Variants in IMPA1 observed in about 807,000 individuals in gnomAD.
IMPA1 encodes the protein D-galactose 1-phosphate phosphatase.
Under a neutral mutation model 34.9 loss-of-function variants are expected in IMPA1, and 21 were observed. The ratio of observed to expected loss-of-function variants is 0.60; its 90% confidence interval spans 0.43 to 0.87. The LOEUF is 0.87. Among genes scored for constraint, IMPA1 ranks in the 40% least tolerant of loss-of-function variants. The probability of loss-of-function intolerance (pLI) is 0.00; values close to 1 mark genes in which losing one functional copy is unlikely to be tolerated. For synonymous variants in IMPA1, 95 were observed against 104.4 expected (o/e 0.91, Z 0.55); for missense variants, 299 against 336.4 (o/e 0.89, Z 0.87).
chr8:81,686,101 A>C (rs991730507), intron 1 of IMPA1, 151 bp downstream of exon 1: 2 of 867,496 alleles, frequency 2.3e-6, no homozygotes, highest in African/African-American at 3.6e-5. Flanking sequence ...CGGATAACGC[A>C]GCAGGCAGGG....
chr8:81,681,290 A>C (rs1030498274), intron 2 of IMPA1, among the ~76,000 whole-genome samples: 3 of 152,138 alleles, frequency 2.0e-5, no homozygotes, highest in African/African-American at 7.2e-5. Flanking sequence ...GCTACTCAGG[A>C]GGCTGAAGTG....
At chr8:81,679,927 G>A (rs902138149) in intron 3 of IMPA1, among the ~76,000 whole-genome samples, 1 of 151,810 alleles carries the variant, frequency 6.6e-6, no homozygotes, top group Non-Finnish European at 1.5e-5. Flanking sequence ...ATGAGGTCAG[G>A]AGTTCAACAC....
rs983649684 is a variant in IMPA1, at chr8:81,658,504, T to C, written c.*847A>G. 1 of 152,582 alleles carries C rather than the reference T, an allele frequency of 6.6e-6. No individual in the cohort carries two copies. The highest frequency in any genetic ancestry group is 1.5e-5 in the Non-Finnish European group (1 of 68,014). 9.5% of individuals were successfully genotyped at this position (152,582 alleles called of 1,614,324 possible). On this transcript the variant is annotated 3_prime_UTR_variant, in exon 9 of 9. Transcript: ENST00000256108. Reference sequence around the variant, plus strand: ...TAAAATGTTATATTGTATCTAATTATGTCAGATATCTGATGAGAGTGCTTT... The same window carrying C: ...TAAAATGTTATATTGTATCTAATTACGTCAGATATCTGATGAGAGTGCTTT...
At chr8:81,684,179 T>C (rs1455571247) in intron 1 of IMPA1, among the ~76,000 whole-genome samples, 1 of 146,726 alleles carries the variant, frequency 6.8e-6, no homozygotes, top group Non-Finnish European at 1.5e-5. Context: ...ACATATATAA[T>C]ACAGTAAATA....
At chr8:81,682,384 C>G (rs1807326784) in intron 1 of IMPA1, among the ~76,000 whole-genome samples, 1 of 152,108 alleles carries the variant, frequency 6.6e-6, no homozygotes, top group Admixed American at 6.6e-5. Flanking sequence ...CTAATTTTGT[C>G]TCCTTTCCAA....
intron 7 of IMPA1, 75 bp from the exon 8 acceptor site, chr8:81,660,742 TTAAG>T: frequency 2.4e-6 from 3 of 1,238,590 alleles, no homozygotes; most frequent in Admixed American, 2.3e-5. Context: ...TAACTTCACT[TTAAG>T]TGTCGATTGA....
intron 4 of IMPA1, among the ~76,000 whole-genome samples, chr8:81,676,865 C>T (rs984088590): frequency 1.3e-5 from 2 of 151,862 alleles, no homozygotes; most frequent in Non-Finnish European, 2.9e-5. Context: ...TGGCGGTGCA[C>T]GCCTATAGTC....
rs758264697 is a variant in IMPA1, at chr8:81,681,601, TA to T, written c.-24-18del. ...GACAAATATCTGTACAAAGTAGTTATAACTGTCTTAGAAGTCTTAATTATAG... is the reference window on the plus strand; with the variant it reads ...GACAAATATCTGTACAAAGTAGTTATACTGTCTTAGAAGTCTTAATTATAG... On this transcript the variant is annotated intron_variant, in intron 1 of 8. Coordinates refer to ENST00000256108, the MANE Select transcript of IMPA1 (RefSeq NM_005536.4). 1 of 1,408,874 alleles carries T rather than the reference TA, an allele frequency of 7.1e-7. No homozygotes were observed. Among genetic ancestry groups the T allele is most frequent in the Non-Finnish European group, 1.0e-6 (1 of 994,230 alleles). The allele number at this position is 1,408,874 out of a possible 1,614,324, so 87.3% of individuals were successfully genotyped here.
At position 81,670,953 on chromosome 8, in the gene IMPA1, G is replaced by C; in HGVS notation, c.552C>G (p.Cys184Trp). The C allele has an allele frequency of 6.6e-7, 1 of 1,521,020 alleles. No individual in the cohort carries two copies. The allele number at this position is 1,521,020 out of a possible 1,614,324, so 94.2% of individuals were successfully genotyped here. Residue 184 changes from cysteine (C) to tryptophan (W), a missense_variant, in exon 7 of 9, where the codon TGC becomes TGG. Coordinates refer to ENST00000256108, the MANE Select transcript of IMPA1 (RefSeq NM_005536.4). ...MVLSNMEKLF[C>W]IPVHGIRSVG... is the part of the protein sequence containing the mutation. Reference sequence around the variant, plus strand: ...AAAGAGCTTACCCATGAACAGGAATGCAAAAAAGCTTTTCCATATTAGAAA... The same window carrying C: ...AAAGAGCTTACCCATGAACAGGAATCCAAAAAAGCTTTTCCATATTAGAAA...
In IMPA1 at chr8:81,678,432, C is replaced by T. The variant is rs1192415686; in HGVS notation, c.302+694G>A. 2.6e-5 allele frequency among the ~76,000 whole-genome samples: 4 copies of T among 152,088 alleles called. No homozygotes were observed. The East Asian group carries it at 7.7e-4, about 29-fold the overall frequency. The stretch of plus-strand genomic sequence containing the variant: ...TTTGGCCAGGTGCAGTGGTTCACGC[C>T]TGTAATCCCAGCACTTTGGGAGGCT... On this transcript the variant is annotated intron_variant, in intron 4 of 8. Transcript: ENST00000256108.
chr8:81,659,481 G>A lies in IMPA1; in HGVS notation c.719-15C>T. On this transcript the variant is annotated splice_polypyrimidine_tract_variant and intron_variant, in intron 8 of 8. Transcript: ENST00000256108. ...AAATGGTCCACCTAAAAGCAAACAA[G>A]TATGAAAAATAATTTTATCTGGTAC... 1 of 1,404,600 alleles carries A rather than the reference G, an allele frequency of 7.1e-7. No individual in the cohort carries two copies. Among genetic ancestry groups the A allele is most frequent in the Middle Eastern group, 1.8e-4 (1 of 5,606 alleles). The allele number at this position is 1,404,600 out of a possible 1,614,324, so 87.0% of individuals were successfully genotyped here.
chr8:81,670,931 G>A lies in IMPA1; in HGVS notation c.566+8C>T, dbSNP rs1806970212. ...AAGAGAGAGATAGAATAATGGTAAA[G>A]AGCTTACCCATGAACAGGAATGCAA... On this transcript the variant is annotated splice_region_variant and intron_variant, in intron 7 of 8. Coordinates refer to ENST00000256108, the MANE Select transcript of IMPA1 (RefSeq NM_005536.4). 2.9e-6 allele frequency: 4 copies of A among 1,364,564 alleles called. No homozygotes were observed. The highest frequency in any genetic ancestry group is 4.0e-6 in the Non-Finnish European group (4 of 995,638). 84.5% of individuals were successfully genotyped at this position (1,364,564 alleles called of 1,614,324 possible).
intron 2 of IMPA1, 33 bp from the exon 3 acceptor site, chr8:81,680,816 G>C: frequency 6.7e-7 from 1 of 1,487,536 alleles, no homozygotes; most frequent in Middle Eastern, 1.7e-4. Flanking sequence ...AAATAGAAAA[G>C]GCATAATTTT....
intron 1 of IMPA1, among the ~76,000 whole-genome samples, chr8:81,684,565 G>C (rs1031598564): frequency 1.8e-4 from 24 of 134,972 alleles, no homozygotes; most frequent in African/African-American, 4.5e-4. Flanking sequence ...ATACTAATGT[G>C]TAGTATATAT....
intron 4 of IMPA1, among the ~76,000 whole-genome samples, chr8:81,678,298 T>A (rs1262190433): frequency 1.3e-5 from 2 of 152,136 alleles, no homozygotes; most frequent in African/African-American, 4.8e-5. Context: ...TCATTCTATA[T>A]CGACAGCACT....
At chr8:81,676,320 T>C (rs773031679) in intron 4 of IMPA1, 41 bp from the exon 5 acceptor site, 1 of 987,998 alleles carries the variant, frequency 1.0e-6, no homozygotes, top group South Asian at 1.7e-5. Flanking sequence ...TTAACCAACA[T>C]AGAACTTTTG....
intron 6 of IMPA1, 122 bp from the exon 7 acceptor site, chr8:81,671,169 A>C: frequency 2.0e-6 from 1 of 495,566 alleles, no homozygotes; most frequent in Non-Finnish European, 3.5e-6. Flanking sequence ...TAAGCATTTA[A>C]ATAATAAAAT....
chr8:81,680,045 G>A (rs1333438531), intron 3 of IMPA1, among the ~76,000 whole-genome samples: 1 of 151,170 alleles, frequency 6.6e-6, no homozygotes, highest in Admixed American at 6.6e-5. Context: ...TGAGGCAGGA[G>A]AATCACTTGA....
chr8:81,686,037 T>G, intron 1 of IMPA1: 2 of 1,242,544 alleles, frequency 1.6e-6, no homozygotes, highest in Non-Finnish European at 2.1e-6. Flanking sequence ...TGAGGTCGCG[T>G]GAGCGAACCG....
Sources: allele counts gnomAD v4.1 joint callset (sites outside exome capture counted in the v4.1 genomes callset), GRCh38; gene constraint gnomAD v4.1.1; transcripts MANE v1.5; gene names NCBI Gene and HGNC (gene_info 2026-07-23, HGNC 2026-07-21).